TRHDE: variants seen among roughly 807,000 people sequenced by gnomAD.
The protein encoded by TRHDE is thyrotropin-releasing hormone-degrading ectoenzyme.
A neutral mutation model predicts 125.7 loss-of-function variants in TRHDE; 72 were observed. That is an observed-to-expected ratio of 0.57 (90% CI 0.47 to 0.70). The LOEUF is 0.70. Among genes scored for constraint, TRHDE ranks in the 30% least tolerant of loss-of-function variants. TRHDE has a pLI of 0.00. For missense variants in TRHDE, 1,110 were observed against 1,327.1 expected (o/e 0.84, Z 2.54); for synonymous variants, 509 against 509.1 (o/e 1.00, Z 0.00).
At chr12:72,425,689 C>G (rs1008514932) in intron 3 of TRHDE, among the ~76,000 whole-genome samples, 1 of 151,828 alleles carries the variant, frequency 6.6e-6, no homozygotes, top group South Asian at 2.1e-4. Flanking sequence ...ATTTCTGTTT[C>G]CAACATATGT....
At chr12:72,575,061 T>A (rs1555199067) in intron 10 of TRHDE, among the ~76,000 whole-genome samples, 194 bp from the exon 11 acceptor site, 1 of 152,140 alleles carries the variant, frequency 6.6e-6, no homozygotes, top group South Asian at 2.1e-4. Context: ...ATTGAGATGA[T>A]AGTGAGTAAC....
intron 5 of TRHDE, among the ~76,000 whole-genome samples, chr12:72,493,083 T>C (rs934151886): frequency 6.6e-6 from 1 of 151,724 alleles, no homozygotes; most frequent in East Asian, 1.9e-4. Flanking sequence ...GAAGAGGGAG[T>C]CAGGAAACAT....
intron 7 of TRHDE, 125 bp downstream of exon 7, chr12:72,542,481 T>G: frequency 1.6e-6 from 1 of 644,086 alleles, no homozygotes; most frequent in Non-Finnish European, 2.5e-6. Context: ...AGTTAAGCAA[T>G]GTCTTTCTAT....
At chr12:72,504,122 G>T (rs1420943398) in intron 6 of TRHDE, among the ~76,000 whole-genome samples, 1 of 152,026 alleles carries the variant, frequency 6.6e-6, no homozygotes, top group Non-Finnish European at 1.5e-5. Context: ...GGGGAGTAGA[G>T]GGGAACTGTA....
At chr12:72,096,215 G>A (rs950927334) in intron 1 of TRHDE, among the ~76,000 whole-genome samples, 20 of 151,504 alleles carry the variant, frequency 1.3e-4, no homozygotes, top group African/African-American at 4.9e-4. Context: ...AATATACTTA[G>A]TGGAATATTT....
intron 2 of TRHDE, among the ~76,000 whole-genome samples, chr12:72,338,408 A>G (rs1479011456): frequency 1.3e-5 from 2 of 152,204 alleles, no homozygotes; most frequent in Admixed American, 1.3e-4. Context: ...AGATGAAGAA[A>G]TAGCTAAATT....
At chr12:72,645,842 T>C (rs948809867) in intron 15 of TRHDE, among the ~76,000 whole-genome samples, 14 of 151,896 alleles carry the variant, frequency 9.2e-5, no homozygotes, top group Admixed American at 5.9e-4. Context: ...AAAAAGAAAA[T>C]TGTCAACCAA....
rs1411276197 is a variant in TRHDE, at chr12:72,273,436, G to T, written c.793G>T (p.Val265Leu). 1 of 1,614,162 alleles carries T rather than the reference G, an allele frequency of 6.2e-7. No homozygotes were observed. The highest frequency in any genetic ancestry group is 8.5e-7 in the Non-Finnish European group (1 of 1,180,048). Reference sequence around the variant, plus strand: ...CCCGCAAACCCAGGTCTTAGTGGTGGTGCTGAATAGGACACTGGACGCGCA... The same window carrying T: ...CCCGCAAACCCAGGTCTTAGTGGTGTTGCTGAATAGGACACTGGACGCGCA... ...LYPQTQVLVVVLNRTLDAQRN... is the reference protein window; with the variant it reads ...LYPQTQVLVVLLNRTLDAQRN... The change falls in exon 1 of 19, where the codon GTG (valine) becomes TTG (leucine). Residue 265 changes from valine (V) to leucine (L), a missense_variant. Val to Leu is a conservative substitution (Grantham distance 32). Coordinates refer to ENST00000261180, the MANE Select transcript of TRHDE (RefSeq NM_013381.3). This position sits in a 1 kb window ranked among gnomAD's most constrained non-coding sequence, Gnocchi z 5.3.
At chr12:72,362,780 A>G (rs889820838) in intron 2 of TRHDE, among the ~76,000 whole-genome samples, 2 of 152,068 alleles carry the variant, frequency 1.3e-5, no homozygotes, top group African/African-American at 4.8e-5. Context: ...CTTTCTACAT[A>G]TGGCTAGCCA....
rs1879346978 is a variant in TRHDE at position 72,273,534 on chromosome 12, C to T, written c.891C>T (p.Ser297=). ...AGCTCCTGGGCTTCTTCCGCAGCTCCTATGTGCTCCACGGGGAGAGAAGGT... is the reference window on the plus strand; with the variant it reads ...AGCTCCTGGGCTTCTTCCGCAGCTCTTATGTGCTCCACGGGGAGAGAAGGT... ...ENELLGFFRS[S]YVLHGERRFL... is the part of the protein sequence containing the mutation. Residue 297 remains serine (S), a synonymous_variant, in exon 1 of 19, where the codon TCC becomes TCT. Transcript: ENST00000261180. The surrounding 1 kb of genome is among the most constrained non-coding windows in gnomAD (Gnocchi z 5.3). The T allele has an allele frequency of 2.5e-6, 4 of 1,602,120 alleles. No homozygotes were observed. The highest frequency in any genetic ancestry group is 1.1e-5 in the South Asian group (1 of 91,042).
intron 2 of TRHDE, among the ~76,000 whole-genome samples, chr12:72,365,899 A>G (rs1871321589): frequency 6.6e-6 from 1 of 152,102 alleles, no homozygotes; most frequent in Non-Finnish European, 1.5e-5. Context: ...GTCCCTGTGG[A>G]GGCTCTGTGG....
upstream of TRHDE, chr12:72,272,107 T>C (rs894666099): frequency 4.4e-6 from 2 of 457,376 alleles, no homozygotes; most frequent in Admixed American, 4.7e-5. This position sits in a 1 kb window ranked among gnomAD's most constrained non-coding sequence, Gnocchi z 6.7. Context: ...TCCCGTGCTG[T>C]GGCCGCCGTC....
intron 2 of TRHDE, among the ~76,000 whole-genome samples, chr12:72,334,772 C>T (rs552598590): frequency 4.7e-4 from 72 of 152,246 alleles, no homozygotes; most frequent in African/African-American, 1.5e-3. Context: ...TTCAATACAC[C>T]ACCACAATAG....
chr12:72,434,360 G>A (rs1874640507), intron 3 of TRHDE, among the ~76,000 whole-genome samples: 2 of 148,796 alleles, frequency 1.3e-5, no homozygotes, highest in South Asian at 2.1e-4. Context: ...ACTCCAGCCT[G>A]GGCAACAGAG....
intron 2 of TRHDE, among the ~76,000 whole-genome samples, chr12:72,180,180 T>TA (rs1392702694): frequency 2.0e-5 from 3 of 151,978 alleles, no homozygotes; most frequent in East Asian, 1.9e-4. Flanking sequence ...TGCTTTTTTT[T>TA]AAAAAAAAGT....
At chr12:72,538,978 T>C (rs899745913) in intron 6 of TRHDE, among the ~76,000 whole-genome samples, 1 of 151,916 alleles carries the variant, frequency 6.6e-6, no homozygotes, top group Non-Finnish European at 1.5e-5. Flanking sequence ...TTTTATTTAC[T>C]GTCTTTCCAT....
At chr12:72,655,052 T>C (rs1387432049) in intron 17 of TRHDE, among the ~76,000 whole-genome samples, 3 of 152,130 alleles carry the variant, frequency 2.0e-5, no homozygotes, top group Non-Finnish European at 4.4e-5. Flanking sequence ...TATCAGTGTA[T>C]GGACTAATTT....
intron 1 of TRHDE, among the ~76,000 whole-genome samples, chr12:72,282,875 C>T (rs1176929794): frequency 6.6e-6 from 1 of 152,168 alleles, no homozygotes; most frequent in African/African-American, 2.4e-5. Context: ...TGTCCAGAGA[C>T]ATTTTTGCCC....
intron 3 of TRHDE, among the ~76,000 whole-genome samples, chr12:72,380,772 T>TTCCA: frequency 8.3e-6 from 1 of 120,006 alleles, no homozygotes; most frequent in African/African-American, 3.0e-5. Flanking sequence ...CCTTGCTTCC[T>TTCCA]TCCTTCCTTC....
Sources: gnomAD v4.1 joint callset for allele counts (sites outside exome capture counted in the v4.1 genomes callset) on GRCh38, gnomAD v4.1.1 for gene constraint, Gnocchi (gnomAD v3.1) non-coding constraint, MANE v1.5 for transcripts, NCBI Gene and HGNC (gene_info 2026-07-23, HGNC 2026-07-21) for gene names.